The following FRK variants were observed in gnomAD, a reference collection of about 807,000 sequenced individuals.
FRK encodes fyn related Src family tyrosine kinase.
In FRK, 51 loss-of-function variants were observed where a neutral mutation model predicts 56.4. The observed-to-expected ratio is 0.90, with a 90% CI of 0.72 to 1.14. The LOEUF (loss-of-function observed/expected upper bound fraction) is 1.14, where lower values mean the gene tolerates loss of function less well. Ranked by LOEUF, FRK falls within the 50% of genes most tolerant of loss-of-function variation. FRK has a pLI of 0.00. For synonymous variants in FRK, 245 were observed against 217.9 expected (o/e 1.12, Z -1.10); for missense variants, 570 against 601.4 (o/e 0.95, Z 0.55).
At chr6:116,080,950 A>G in the FRK span, among the ~76,000 whole-genome samples, 7 of 152,218 alleles carry the variant, frequency 4.6e-5, no homozygotes, top group South Asian at 1.0e-3. Context: ...TATAAAGGAA[A>G]GAGGTTTAAT....
intron 4 of FRK, among the ~76,000 whole-genome samples, chr6:115,959,949 G>A (rs1478569938): frequency 6.7e-6 from 1 of 150,142 alleles, no homozygotes; most frequent in African/African-American, 2.4e-5. Context: ...TTTTCATGAT[G>A]TCTCTAAGTG....
At chr6:116,085,687 C>T in the FRK span, among the ~76,000 whole-genome samples, 1 of 152,088 alleles carries the variant, frequency 6.6e-6, no homozygotes, top group Non-Finnish European at 1.5e-5. Flanking sequence ...ACCACATGCA[C>T]CACATGCACA....
chr6:116,099,079 A>C, the FRK span, among the ~76,000 whole-genome samples: 1 of 152,204 alleles, frequency 6.6e-6, no homozygotes, highest in South Asian at 2.1e-4. Context: ...TGTGCATGTA[A>C]TAGCCAGATC....
At chr6:115,945,720 A>C (rs1343190830) in intron 5 of FRK, among the ~76,000 whole-genome samples, 2 of 152,128 alleles carry the variant, frequency 1.3e-5, no homozygotes, top group African/African-American at 2.4e-5. Flanking sequence ...TATGAATATT[A>C]CATTTGTACC....
Position 115,967,628 on chromosome 6 carries a change from C to G in FRK, c.722G>C (p.Gly241Ala). 1 of 1,613,772 alleles carries G rather than the reference C, an allele frequency of 6.2e-7. No individual in the cohort carries two copies. ...RNSIQLLKRL[G>A]SGQFGEVWEG... ...CCATACTTCGCCAAACTGACCAGAT[C>G]CCAATCGCTTCAGAAGCTGTATGGA... is the stretch of plus-strand genomic sequence containing the variant. Residue 241 changes from glycine (G) to alanine (A), a missense_variant, in exon 4 of 8, where the codon GGA becomes GCA. Coordinates refer to ENST00000606080, the MANE Select transcript of FRK (RefSeq NM_002031.3).
intron 1 of FRK, among the ~76,000 whole-genome samples, chr6:116,029,903 A>T (rs959079338): frequency 2.6e-5 from 4 of 151,876 alleles, no homozygotes; most frequent in Non-Finnish European, 2.9e-5. Flanking sequence ...TTTAAGGAAA[A>T]TTTTTTCCAA....
chr6:115,995,431 A>G (rs921320224), intron 2 of FRK, among the ~76,000 whole-genome samples: 6 of 152,182 alleles, frequency 3.9e-5, no homozygotes, highest in African/African-American at 1.4e-4. Flanking sequence ...TCTGAAATTG[A>G]TTATTATAAA....
At chr6:116,001,277 T>C (rs1277087701) in intron 2 of FRK, among the ~76,000 whole-genome samples, 4 of 151,720 alleles carry the variant, frequency 2.6e-5, no homozygotes, top group Non-Finnish European at 5.9e-5. Context: ...CTTGGATCCA[T>C]GTTATACACA....
chr6:115,968,654 T>C lies in FRK; in HGVS notation c.552A>G (p.Ser184=). Residue 184 remains serine, a synonymous_variant, in exon 3 of 8, where the codon TCA becomes TCG. Coordinates refer to ENST00000606080, the MANE Select transcript of FRK (RefSeq NM_002031.3). Reference sequence around the variant, plus strand: ...AGTGGCTCACAAATTCGTTCAGTGTTGAAAAGATTCTTCTTCGCGTGAGAA... The same window carrying C: ...AGTGGCTCACAAATTCGTTCAGTGTCGAAAAGATTCTTCTTCGCGTGAGAA... ...GFFLTRRRIF[S]TLNEFVSHYT... is the part of the protein sequence containing the mutation. The C allele has an allele frequency of 2.5e-6, 4 of 1,613,878 alleles. No individual in the cohort carries two copies. Among genetic ancestry groups the C allele is most frequent in the Non-Finnish European group, 3.4e-6 (4 of 1,179,802 alleles).
At chr6:116,023,374 A>G (rs540503866) in intron 1 of FRK, among the ~76,000 whole-genome samples, 1 of 152,326 alleles carries the variant, frequency 6.6e-6, no homozygotes, top group African/African-American at 2.4e-5. Context: ...ATAGACAAAA[A>G]TGGGAAGCAG....
intron 1 of FRK, among the ~76,000 whole-genome samples, chr6:116,058,550 G>GA (rs1777481732): frequency 6.6e-6 from 1 of 152,080 alleles, no homozygotes; most frequent in Non-Finnish European, 1.5e-5. Flanking sequence ...ATAAAAATAA[G>GA]AAACACTTAC....
intron 4 of FRK, among the ~76,000 whole-genome samples, chr6:115,957,740 G>A (rs1189149957): frequency 6.6e-6 from 1 of 152,124 alleles, no homozygotes; most frequent in Admixed American, 6.6e-5. Flanking sequence ...GTTCAGAACT[G>A]GACTAATCAG....
chr6:115,975,420 A>G (rs1043820635), intron 2 of FRK, among the ~76,000 whole-genome samples: 7 of 152,220 alleles, frequency 4.6e-5, no homozygotes, highest in Admixed American at 2.6e-4. Flanking sequence ...ATATTCATAA[A>G]TAATCAAATA....
intron 2 of FRK, among the ~76,000 whole-genome samples, chr6:115,998,522 A>T (rs991167048): frequency 4.6e-5 from 7 of 151,844 alleles, no homozygotes; most frequent in Non-Finnish European, 8.8e-5. Context: ...CACCAGAAAA[A>T]CTCACAACTC....
intron 2 of FRK, among the ~76,000 whole-genome samples, chr6:115,993,767 C>G (rs1012362749): frequency 6.6e-6 from 1 of 151,950 alleles, no homozygotes; most frequent in Non-Finnish European, 1.5e-5. Context: ...AATGTCTCCT[C>G]TTTGTGCATC....
At chr6:115,954,092 T>A (rs935430624) in intron 5 of FRK, among the ~76,000 whole-genome samples, 2 of 152,048 alleles carry the variant, frequency 1.3e-5, no homozygotes, top group East Asian at 3.9e-4. Flanking sequence ...AACATGTAAG[T>A]AGAGATTTTG....
rs1288402106 is a variant in FRK at position 115,943,155 on chromosome 6, G to T, written c.1171C>A (p.His391Asn). 1 of 1,611,492 alleles carries T rather than the reference G, an allele frequency of 6.2e-7. No homozygotes were observed. Among genetic ancestry groups the T allele is most frequent in the East Asian group, 2.2e-5 (1 of 44,760 alleles). Residue 391 changes from histidine (H) to asparagine (N), a missense_variant, in exon 7 of 8, where the codon CAC (histidine) becomes AAC (asparagine). Transcript: ENST00000606080. ...VDNEDIYESR[H>N]EIKLPVKWTA... is the part of the protein sequence containing the mutation. ...CACTTCACCGGCAGCTTTATTTCGT[G>T]TCTAGATTCATAGATGTCTTCATTA...
chr6:115,956,099 A>G (rs1319743601), intron 5 of FRK, among the ~76,000 whole-genome samples: 2 of 152,212 alleles, frequency 1.3e-5, no homozygotes, highest in Non-Finnish European at 2.9e-5. Context: ...TCTATGTGCC[A>G]TAGAAAATAT....
At chr6:116,038,714 C>A in intron 1 of FRK, 1 of 429,034 alleles carries the variant, frequency 2.3e-6, no homozygotes. Context: ...TAGAAAATCA[C>A]TGAAGGCTGA....
Sources: gnomAD v4.1 joint callset for allele counts (sites outside exome capture counted in the v4.1 genomes callset) on GRCh38, gnomAD v4.1.1 for gene constraint, MANE v1.5 for transcripts, NCBI Gene and HGNC (gene_info 2026-07-23, HGNC 2026-07-21) for gene names.